Variants in HECTD4 observed in about 807,000 individuals in gnomAD.
HECTD4 encodes the protein HECT domain E3 ubiquitin protein ligase 4.
Under a neutral mutation model 471.5 loss-of-function variants are expected in HECTD4, and 114 were observed. The observed-to-expected ratio is 0.24, with a 90% CI of 0.21 to 0.28. The LOEUF is 0.28. HECTD4 is among the 10% of genes least tolerant of loss of function. The pLI is 1.00. For missense variants in HECTD4, 3,866 were observed against 5,651.5 expected, an observed-to-expected ratio of 0.68 and a Z score of 10.13; for synonymous variants, 2,012 against 2,256.0, an observed-to-expected ratio of 0.89 and a Z score of 3.07.
intron 55 of HECTD4, among the ~76,000 whole-genome samples, chr12:112,196,995 C>A (rs1325763025): frequency 1.3e-5 from 2 of 151,806 alleles, no homozygotes; most frequent in Non-Finnish European, 1.5e-5. Flanking sequence ...GGGGCCTTAC[C>A]ATGTCGGCTA....
At chr12:112,167,070 A>C (rs2030996500) in intron 72 of HECTD4, 1 of 409,688 alleles carries the variant, frequency 2.4e-6, no homozygotes, top group Non-Finnish European at 4.4e-6. Flanking sequence ...AATGAGCACC[A>C]ATGTGGGAGG....
At chr12:112,233,143 T>C in intron 37 of HECTD4, 58 bp from the exon 38 acceptor site, 1 of 1,411,158 alleles carries the variant, frequency 7.1e-7, no homozygotes, top group Admixed American at 1.9e-5. Context: ...AAAAGTGGGC[T>C]GCATGCCATG....
intron 4 of HECTD4, among the ~76,000 whole-genome samples, chr12:112,311,106 AC>A (rs1254501024): frequency 1.3e-5 from 2 of 152,122 alleles, no homozygotes; most frequent in Non-Finnish European, 2.9e-5. Context: ...TACTAAAAAT[AC>A]AAAAATTAGC....
intron 2 of HECTD4, among the ~76,000 whole-genome samples, chr12:112,318,622 C>A (rs1263092282): frequency 8.5e-5 from 13 of 152,178 alleles, no homozygotes; most frequent in Non-Finnish European, 1.6e-4. Flanking sequence ...GATCTGCCCA[C>A]CTCAGCCTCC....
At chr12:112,263,372 G>T (rs1285214053) in intron 17 of HECTD4, among the ~76,000 whole-genome samples, 2 of 152,086 alleles carry the variant, frequency 1.3e-5, no homozygotes, top group Admixed American at 6.6e-5. Context: ...TTTTAAGAAA[G>T]AATAAAGTTC....
chr12:112,170,418 C>A lies in HECTD4; in HGVS notation c.11967G>T (p.Met3989Ile), dbSNP rs1182776327. The A allele has an allele frequency of 3.1e-6, 5 of 1,614,004 alleles. No homozygotes were observed. The highest frequency in any genetic ancestry group is 3.4e-6 in the Non-Finnish European group (4 of 1,179,904). Residue 3989 changes from methionine to isoleucine, a missense_variant, in exon 69 of 76, where the codon ATG (methionine) becomes ATT (isoleucine). By Grantham distance (10) the Met-to-Ile change is conservative (BLOSUM62 1). Around this residue, in one of 16 missense-constraint regions of HECTD4, gnomAD observed 715 missense variants for 1,087.6 expected, o/e 0.66. Coordinates refer to ENST00000682272, the MANE Select transcript of HECTD4 (RefSeq NM_001388303.1). Reference sequence around the variant, plus strand: ...GCACAGTGGCATTCAGCACTCGATTCATCACGGTCACCTTCGTGTCATAGA... The same window carrying A: ...GCACAGTGGCATTCAGCACTCGATTAATCACGGTCACCTTCGTGTCATAGA... ...LIFYDTKVTV[M>I]NRVLNATVQR...
intron 1 of HECTD4, among the ~76,000 whole-genome samples, chr12:112,366,322 A>T (rs1394096714): frequency 6.6e-6 from 1 of 152,006 alleles, no homozygotes; most frequent in Non-Finnish European, 1.5e-5. Context: ...AGCCTGGGCA[A>T]CGTAGTGAGA....
chr12:112,381,968 G>C lies in HECTD4; in HGVS notation c.161C>G (p.Ala54Gly), dbSNP rs2036904387. 8.2e-7 allele frequency: 1 copy of C among 1,224,358 alleles called. No individual in the cohort carries two copies. The highest frequency in any genetic ancestry group is 3.2e-5 in the East Asian group (1 of 31,214). The allele number at this position is 1,224,358 out of a possible 1,614,324, so 75.8% of individuals were successfully genotyped here. The change falls in exon 1 of 76, where the codon GCG becomes GGG. Residue 54 changes from alanine (A) to glycine (G), a missense_variant. Physicochemically the swap from Ala to Gly is moderately conservative, Grantham distance 60. Transcript: ENST00000682272. The surrounding 1 kb of genome is among the most constrained non-coding windows in gnomAD (Gnocchi z 4.1). ...CTCGCTCACCTCCAGGTCGGTGTCC[G>C]CGGCCTCTGGGGCCCCGAGGATCTC... ...PSEILGAPEA[A>G]DTDLEILTFE...
intron 59 of HECTD4, among the ~76,000 whole-genome samples, chr12:112,192,110 A>G (rs988781629): frequency 6.6e-6 from 1 of 152,244 alleles, no homozygotes; most frequent in Non-Finnish European, 1.5e-5. Flanking sequence ...AAAAATGCCC[A>G]GGAGATGAGA....
rs1357740180 is a variant in HECTD4, at chr12:112,239,895, G to C, written c.5091C>G (p.Thr1697=). 1 of 1,613,484 alleles carries C rather than the reference G, an allele frequency of 6.2e-7. No homozygotes were observed. Among genetic ancestry groups the C allele is most frequent in the Non-Finnish European group, 8.5e-7 (1 of 1,179,554 alleles). The stretch of plus-strand genomic sequence containing the variant: ...TCCGTACTTACCTGGTGTAAGGTAT[G>C]GTACATAAGAGTCCAATGCTATTTG... The part of the protein sequence containing the change: ...ACANSIGLLC[T]IPYTRSEEKC... The change falls in exon 33 of 76, where the codon ACC becomes ACG. Residue 1697 remains threonine (T), a synonymous_variant. Coordinates refer to ENST00000682272, the MANE Select transcript of HECTD4 (RefSeq NM_001388303.1). This position sits in a 1 kb window ranked among gnomAD's most constrained non-coding sequence, Gnocchi z 4.9.
At chr12:112,299,163 CA>C (rs1385301358) in intron 7 of HECTD4, among the ~76,000 whole-genome samples, 1 of 152,176 alleles carries the variant, frequency 6.6e-6, no homozygotes, top group Non-Finnish European at 1.5e-5. Flanking sequence ...ACTATTGCCA[CA>C]CCTGTTTAAC....
chr12:112,368,367 T>G (rs1016756516), intron 1 of HECTD4, among the ~76,000 whole-genome samples: 1 of 152,146 alleles, frequency 6.6e-6, no homozygotes, highest in Non-Finnish European at 1.5e-5. Flanking sequence ...GTAGTAACAG[T>G]AATAAGTCAC....
At chr12:112,229,902 G>A (rs751572284) in intron 40 of HECTD4, 22 bp from the exon 41 acceptor site, 3 of 1,594,450 alleles carry the variant, frequency 1.9e-6, no homozygotes, top group Admixed American at 3.5e-5. Flanking sequence ...AGCAGCCCGT[G>A]CACTAGGAGT....
chr12:112,275,822 C>T (rs2034514477), intron 9 of HECTD4, among the ~76,000 whole-genome samples: 1 of 152,044 alleles, frequency 6.6e-6, no homozygotes, highest in African/African-American at 2.4e-5. Flanking sequence ...TTTCATTAAA[C>T]AAAATGGGAC....
intron 39 of HECTD4, 96 bp downstream of exon 39, chr12:112,231,417 T>C: frequency 8.3e-7 from 1 of 1,209,334 alleles, no homozygotes; most frequent in South Asian, 1.3e-5. Context: ...TTCCAAGAGG[T>C]CAAGGGGATG....
chr12:112,247,439 T>G (rs946497414), intron 28 of HECTD4, 23 bp downstream of exon 28: 1 of 1,226,764 alleles, frequency 8.2e-7, no homozygotes, highest in African/African-American at 1.5e-5. Context: ...ATAATAGCCT[T>G]AATAGTTATT....
chr12:112,165,278 ACT>A (rs2030893746), intron 72 of HECTD4, among the ~76,000 whole-genome samples: 1 of 149,580 alleles, frequency 6.7e-6, no homozygotes, highest in South Asian at 2.1e-4. Flanking sequence ...ACCAGATGAT[ACT>A]GTTTGAACAC....
chr12:112,320,914 T>G (rs2035573312), intron 1 of HECTD4, among the ~76,000 whole-genome samples: 1 of 151,920 alleles, frequency 6.6e-6, no homozygotes, highest in Non-Finnish European at 1.5e-5. Flanking sequence ...ATGGCCGATC[T>G]CAGCTCACTG....
intron 16 of HECTD4, among the ~76,000 whole-genome samples, chr12:112,264,927 G>A (rs895841152): frequency 1.3e-5 from 2 of 152,138 alleles, no homozygotes; most frequent in African/African-American, 2.4e-5. Context: ...ACCACACCCT[G>A]CTAATTTTTG....
Sources: allele counts gnomAD v4.1 joint callset (sites outside exome capture counted in the v4.1 genomes callset), GRCh38; gene constraint gnomAD v4.1.1; regional missense constraint gnomAD v4.1.1; non-coding constraint Gnocchi (gnomAD v3.1); transcripts MANE v1.5; gene names NCBI Gene and HGNC (gene_info 2026-07-23, HGNC 2026-07-21).